The following TRIM33 variants were observed in gnomAD, a reference collection of about 807,000 sequenced individuals.
TRIM33 encodes tripartite motif containing 33, also known as E3 ubiquitin-protein ligase TRIM33.
Under a neutral mutation model 125.4 loss-of-function variants are expected in TRIM33, and 20 were observed. The ratio of observed to expected loss-of-function variants is 0.16; its 90% confidence interval spans 0.11 to 0.23. The LOEUF is 0.23. Among genes scored for constraint, TRIM33 ranks in the 10% least tolerant of loss-of-function variants. The pLI is 1.00. For missense variants in TRIM33, 920 were observed against 1,411.4 expected (o/e 0.65, Z 5.58); for synonymous variants, 564 against 513.9 (o/e 1.10, Z -1.32).
At position 114,435,038 on chromosome 1, in the gene TRIM33, G is replaced by T. The variant is rs140699712; in HGVS notation, c.924-1305C>A. 1.2e-4 allele frequency among the ~76,000 whole-genome samples: 19 copies of T among 152,126 alleles called. No homozygotes were observed. In the East Asian group the frequency reaches 3.3e-3, roughly 26 times the overall value. On this transcript the variant is annotated intron_variant, in intron 4 of 19. Coordinates refer to ENST00000358465, the MANE Select transcript of TRIM33 (RefSeq NM_015906.4). ...GAGACAATAACTGATAAAATCCAGA[G>T]GCAAACTGTGAAGGGCCAAGTATAG...
intron 1 of TRIM33, among the ~76,000 whole-genome samples, chr1:114,466,022 G>A (rs187247797): frequency 5.3e-5 from 8 of 151,302 alleles, no homozygotes; most frequent in Non-Finnish European, 7.4e-5. Flanking sequence ...CAGCTTGGGC[G>A]ACAGAGAGAC....
chr1:114,397,608 T>TAG lies in TRIM33; in HGVS notation c.*39_*40insCT. The TAG allele has an allele frequency of 5.6e-6, 4 of 711,404 alleles. No individual in the cohort carries two copies. The highest frequency in any genetic ancestry group is 2.3e-5 in the African/African-American group (1 of 43,584). The allele number at this position is 711,404 out of a possible 1,614,324, so 44.1% of individuals were successfully genotyped here. On this transcript the variant is annotated 3_prime_UTR_variant, in exon 20 of 20. Transcript: ENST00000358465. ...TTTTGTGTTTTTTTTTTTTTTTTCG[T>TAG]TTTTTTTTTTTTAAACAATTGATTT...
At chr1:114,498,834 T>C (rs1652535386) in intron 1 of TRIM33, among the ~76,000 whole-genome samples, 1 of 151,766 alleles carries the variant, frequency 6.6e-6, no homozygotes, top group African/African-American at 2.4e-5. Flanking sequence ...AAGGACCTTC[T>C]GAAAAAAATG....
rs951181938 is a variant in TRIM33 at position 114,489,649 on chromosome 1, G to A, written c.526+20902C>T. On this transcript the variant is annotated intron_variant, in intron 1 of 19. Coordinates refer to ENST00000358465, the MANE Select transcript of TRIM33 (RefSeq NM_015906.4). ...AGTCCCAGCTACTTGGGAGGCTGGG[G>A]TGGGAGGATTACCTGAGCCCACAAG... Among the ~76,000 whole-genome samples the A allele has an allele frequency of 9.2e-5, 14 of 152,062 alleles. No individual in the cohort carries two copies. The East Asian group carries it at 2.5e-3, about 27-fold the overall frequency.
intron 4 of TRIM33, among the ~76,000 whole-genome samples, chr1:114,435,877 C>CTTTTTTTTTTTTT (rs34327766): frequency 1.4e-5 from 1 of 73,324 alleles, no homozygotes; most frequent in Non-Finnish European, 2.5e-5. Context: ...TAGACACCCG[C>CTTTTTTTTTTTTT]TTTTTTTTTT....
chr1:114,399,308 C>CT lies in TRIM33; in HGVS notation c.3120+148dup, dbSNP rs1223070342. 4.0e-5 allele frequency: 22 copies of CT among 551,816 alleles called. No individual in the cohort carries two copies. The Admixed American group carries it at 7.0e-4, about 18-fold the overall frequency. 34.2% of individuals were successfully genotyped at this position (551,816 alleles called of 1,614,324 possible). On this transcript the variant is annotated intron_variant, in intron 18 of 19. Coordinates refer to ENST00000358465, the MANE Select transcript of TRIM33 (RefSeq NM_015906.4). ...AATTATACACAATAAATTTTCTTCA[C>CT]TGGAGCTGTTAATACAATCAGATGT...
chr1:114,455,846 A>G (rs1240548392), intron 4 of TRIM33, among the ~76,000 whole-genome samples: 1 of 152,186 alleles, frequency 6.6e-6, no homozygotes, highest in Admixed American at 6.5e-5. Context: ...GCCTGGGACA[A>G]TAGTCTGGCA....
intron 11 of TRIM33, among the ~76,000 whole-genome samples, chr1:114,414,239 G>C (rs1052674487): frequency 1.3e-5 from 2 of 151,844 alleles, no homozygotes; most frequent in African/African-American, 4.8e-5. Flanking sequence ...GCTCATAAAA[G>C]CCTTTAAAAA....
At chr1:114,450,538 A>C (rs1215958924) in intron 4 of TRIM33, among the ~76,000 whole-genome samples, 1 of 152,096 alleles carries the variant, frequency 6.6e-6, no homozygotes, top group Non-Finnish European at 1.5e-5. Flanking sequence ...CTGGCTTTGG[A>C]AACTAAAAAT....
At chr1:114,442,034 C>T (rs886784877) in intron 4 of TRIM33, among the ~76,000 whole-genome samples, 1 of 152,128 alleles carries the variant, frequency 6.6e-6, no homozygotes, top group Non-Finnish European at 1.5e-5. Context: ...TATTACGGAA[C>T]CAAATACTCA....
At chr1:114,415,660 C>G (rs1489130075) in intron 11 of TRIM33, among the ~76,000 whole-genome samples, 1 of 152,056 alleles carries the variant, frequency 6.6e-6, no homozygotes, top group Non-Finnish European at 1.5e-5. Context: ...GTTTAGAAAA[C>G]TGTCACCCGG....
Position 114,427,164 on chromosome 1 carries a change from C to A in TRIM33, c.1420+13G>T. On this transcript the variant is annotated intron_variant, in intron 8 of 19. Transcript: ENST00000358465. ...TGTTCCAAGTTATATTCATAAAACT[C>A]ATTATTTCTCACCTAAATTGACTAC... is the stretch of plus-strand genomic sequence containing the variant. 7.6e-7 allele frequency: 1 copy of A among 1,312,158 alleles called. No individual in the cohort carries two copies. The highest frequency in any genetic ancestry group is 1.1e-6 in the Non-Finnish European group (1 of 920,992). 81.3% of individuals were successfully genotyped at this position (1,312,158 alleles called of 1,614,324 possible). A position where few individuals can be genotyped will look rare whatever the true frequency, so the allele number is the denominator to read the frequency against.
chr1:114,473,255 T>TAAAAAAA (rs1430196370), intron 1 of TRIM33, among the ~76,000 whole-genome samples: 2 of 119,378 alleles, frequency 1.7e-5, no homozygotes, highest in Non-Finnish European at 3.7e-5. Context: ...AGACTCTGTC[T>TAAAAAAA]CAAAAAAAAA....
At chr1:114,494,131 T>G (rs1272757821) in intron 1 of TRIM33, among the ~76,000 whole-genome samples, 1 of 144,182 alleles carries the variant, frequency 6.9e-6, no homozygotes, top group Non-Finnish European at 1.6e-5. Context: ...CCATTTTTTT[T>G]TTTAATTTTA....
In TRIM33 at chr1:114,396,824, A is replaced by T. The variant is rs535001356; in HGVS notation, c.*824T>A. ...CAAATTTAAATGTACAGAAAACTAG[A>T]TTAATTTTGAAACAAACATTCTGCC... is the stretch of plus-strand genomic sequence containing the variant. On this transcript the variant is annotated 3_prime_UTR_variant, in exon 20 of 20. Transcript: ENST00000358465. The T allele has an allele frequency of 2.4e-5, 5 of 209,830 alleles. No individual in the cohort carries two copies. Among genetic ancestry groups the T allele is most frequent in the African/African-American group, 1.1e-4 (5 of 44,230 alleles). 13.0% of individuals were successfully genotyped at this position (209,830 alleles called of 1,614,324 possible).
In TRIM33 at chr1:114,395,160, GA is replaced by G. The variant is rs1651478805; in HGVS notation, c.*2487del. ...TAGAAACACAACGATCAGTGTGCAAGAAAAAAGCTTTAATAAAAAATCTAAA... is the reference window on the plus strand; with the variant it reads ...TAGAAACACAACGATCAGTGTGCAAGAAAAAGCTTTAATAAAAAATCTAAA... On this transcript the variant is annotated 3_prime_UTR_variant, in exon 20 of 20. Transcript: ENST00000358465. The G allele has an allele frequency of 5.0e-6, 1 of 201,186 alleles. No homozygotes were observed. Among genetic ancestry groups the G allele is most frequent in the Non-Finnish European group, 1.0e-5 (1 of 97,788 alleles). 12.5% of individuals were successfully genotyped at this position (201,186 alleles called of 1,614,324 possible).
chr1:114,428,070 C>A lies in TRIM33; in HGVS notation c.1156-176G>T, dbSNP rs183238316. Reference sequence around the variant, plus strand: ...GGAAAAGCCACTAACAAAAGTGGGACTAAAAGTCAGTTCTCTAAGCTAAAA... The same window carrying A: ...GGAAAAGCCACTAACAAAAGTGGGAATAAAAGTCAGTTCTCTAAGCTAAAA... On this transcript the variant is annotated intron_variant, in intron 6 of 19. Coordinates refer to ENST00000358465, the MANE Select transcript of TRIM33 (RefSeq NM_015906.4). 2.3e-3 allele frequency among the ~76,000 whole-genome samples: 356 copies of A among 152,236 alleles called. 1 individual carries two copies. Among genetic ancestry groups the A allele is most frequent in the Admixed American group, 5.8e-3 (88 of 15,292 alleles).
At chr1:114,481,610 C>G (rs1331617116) in intron 1 of TRIM33, among the ~76,000 whole-genome samples, 1 of 125,778 alleles carries the variant, frequency 8.0e-6, no homozygotes, top group Non-Finnish European at 1.7e-5. Flanking sequence ...CCAAGAAAAA[C>G]AAAAAAAAAG....
intron 1 of TRIM33, among the ~76,000 whole-genome samples, chr1:114,504,255 T>G (rs1246482423): frequency 6.6e-6 from 1 of 152,046 alleles, no homozygotes; most frequent in Non-Finnish European, 1.5e-5. Flanking sequence ...GCCTCGACAC[T>G]CCGTGCCTCA....
Sources: allele counts gnomAD v4.1 joint callset (sites outside exome capture counted in the v4.1 genomes callset), GRCh38; gene constraint gnomAD v4.1.1; transcripts MANE v1.5; gene names NCBI Gene and HGNC (gene_info 2026-07-23, HGNC 2026-07-21).